The following TRMT11 variants were observed in gnomAD, a reference collection of about 807,000 sequenced individuals.
TRMT11 encodes tRNA methyltransferase 11, also known as tRNA (guanine(10)-N(2))-methyltransferase TRMT11.
Under a neutral mutation model 62.8 loss-of-function variants are expected in TRMT11, and 53 were observed. The observed-to-expected ratio is 0.84, with a 90% CI of 0.68 to 1.06. The LOEUF (loss-of-function observed/expected upper bound fraction) is 1.06. Among genes scored for constraint, TRMT11 ranks in the 50% least tolerant of loss-of-function variants. The probability of loss-of-function intolerance (pLI) is 0.00; values close to 1 mark genes in which losing one functional copy is unlikely to be tolerated. For missense variants in TRMT11, 556 were observed against 553.4 expected, an observed-to-expected ratio of 1.00 and a Z score of -0.05; for synonymous variants, 188 against 190.3, an observed-to-expected ratio of 0.99 and a Z score of 0.10.
intron 21 of TRMT11, among the ~76,000 whole-genome samples, chr6:126,169,846 T>A (rs1778310674): frequency 6.6e-6 from 1 of 152,136 alleles, no homozygotes; most frequent in South Asian, 2.1e-4. Flanking sequence ...ACAGGAAAAA[T>A]AAAAACCATG....
intron 17 of TRMT11, among the ~76,000 whole-genome samples, chr6:126,067,262 A>C (rs1416537077): frequency 6.6e-6 from 1 of 152,194 alleles, no homozygotes; most frequent in Non-Finnish European, 1.5e-5. Flanking sequence ...TTGCTCAATA[A>C]ATTGTCACAA....
chr6:126,219,704 G>A, the TRMT11 span, among the ~76,000 whole-genome samples: 1 of 152,144 alleles, frequency 6.6e-6, no homozygotes, highest in Non-Finnish European at 1.5e-5. Flanking sequence ...ACTAACAACT[G>A]CCTCTCTCAC....
At chr6:126,229,292 G>C in the TRMT11 span, among the ~76,000 whole-genome samples, 8 of 152,156 alleles carry the variant, frequency 5.3e-5, no homozygotes, top group Non-Finnish European at 1.2e-4. Flanking sequence ...GTAACAAAAT[G>C]CTAGATGCCA....
intron 21 of TRMT11, among the ~76,000 whole-genome samples, chr6:126,127,695 C>CT (rs972321440): frequency 2.1e-5 from 3 of 146,326 alleles, no homozygotes; most frequent in Non-Finnish European, 4.5e-5. Flanking sequence ...TGATGTTCCC[C>CT]TTCCTGTGTC....
rs1562334731 is a variant in TRMT11, at chr6:126,151,829, T to TC, written c.*1824-22995dup. Among the ~76,000 whole-genome samples the TC allele has an allele frequency of 5.7e-4, 79 of 138,754 alleles. 2 individuals carry two copies. Among genetic ancestry groups the TC allele is most frequent in the African/African-American group, 1.8e-3 (62 of 35,422 alleles). 91.0% of individuals were successfully genotyped at this position (138,754 alleles called of 152,430 possible). ...TCTTTTCTTTCTTTCTTTCTTTCTT[T>TC]CTTTCTTTCTTTCTTTCTTTCTTTC... On this transcript the variant is annotated intron_variant and NMD_transcript_variant, in intron 21 of 22. Coordinates refer to the TRMT11 transcript ENST00000648977.
intron 7 of TRMT11, among the ~76,000 whole-genome samples, chr6:126,002,437 C>T (rs1792663413): frequency 6.6e-6 from 1 of 152,032 alleles, no homozygotes; most frequent in South Asian, 2.1e-4. Context: ...TTCCTCATTC[C>T]TATATCTGAA....
chr6:126,225,267 CA>C, the TRMT11 span, among the ~76,000 whole-genome samples: 2 of 152,120 alleles, frequency 1.3e-5, no homozygotes, highest in East Asian at 1.9e-4. Context: ...CTCAAATGAC[CA>C]GGGGGTTTAT....
intron 21 of TRMT11, among the ~76,000 whole-genome samples, chr6:126,159,109 A>T (rs567658075): frequency 6.6e-6 from 1 of 152,186 alleles, no homozygotes; most frequent in East Asian, 1.9e-4. Context: ...CTCTTGGGAC[A>T]CCTGTAATAC....
At chr6:126,060,750 C>G (rs1776512846) in intron 17 of TRMT11, among the ~76,000 whole-genome samples, 1 of 152,202 alleles carries the variant, frequency 6.6e-6, no homozygotes, top group African/African-American at 2.4e-5. Context: ...ATCCCCCAAC[C>G]CTGATGACAG....
chr6:126,212,006 A>G, the TRMT11 span, among the ~76,000 whole-genome samples: 3 of 152,208 alleles, frequency 2.0e-5, no homozygotes, highest in Non-Finnish European at 4.4e-5. Context: ...TCTAACAAAT[A>G]AGTGATAGCA....
intron 21 of TRMT11, among the ~76,000 whole-genome samples, chr6:126,124,860 A>C (rs918163261): frequency 3.9e-5 from 6 of 152,106 alleles, no homozygotes; most frequent in African/African-American, 1.2e-4. Context: ...ATTGTTTGCT[A>C]TAAAGCATTA....
chr6:126,099,972 A>T (rs1777380871), intron 17 of TRMT11, among the ~76,000 whole-genome samples: 1 of 152,066 alleles, frequency 6.6e-6, no homozygotes, highest in Non-Finnish European at 1.5e-5. Context: ...GCTGAGCATG[A>T]GCCTGGCAGG....
chr6:126,149,725 T>C (rs1778015724), intron 21 of TRMT11, among the ~76,000 whole-genome samples: 1 of 128,860 alleles, frequency 7.8e-6, no homozygotes, highest in Admixed American at 7.2e-5. Context: ...AGGGTATTGA[T>C]TGCCTAACTG....
At chr6:126,140,632 T>A (rs1777906838) in intron 21 of TRMT11, among the ~76,000 whole-genome samples, 1 of 152,124 alleles carries the variant, frequency 6.6e-6, no homozygotes, top group Non-Finnish European at 1.5e-5. Context: ...AGTGTTCATA[T>A]AGGTATGCTA....
downstream of TRMT11, among the ~76,000 whole-genome samples, chr6:126,206,798 T>G (rs1021094792): frequency 2.0e-5 from 3 of 152,232 alleles, no homozygotes; most frequent in African/African-American, 7.2e-5. Context: ...TAAGGGAAAT[T>G]CACCTTAATT....
chr6:126,256,928 C>T, the TRMT11 span, among the ~76,000 whole-genome samples: 22 of 152,190 alleles, frequency 1.4e-4, no homozygotes, highest in East Asian at 3.7e-3. Context: ...CTCTGTCACC[C>T]AGGCTGGAGT....
intron 17 of TRMT11, among the ~76,000 whole-genome samples, chr6:126,097,730 G>A (rs2128174770): frequency 1.3e-5 from 2 of 151,768 alleles, no homozygotes; most frequent in African/African-American, 4.8e-5. Context: ...TAAAGATTTA[G>A]TTGGCTAATG....
chr6:126,247,856 G>C, the TRMT11 span, among the ~76,000 whole-genome samples: 3 of 151,794 alleles, frequency 2.0e-5, no homozygotes, highest in Non-Finnish European at 4.4e-5. Flanking sequence ...AATAATGAAA[G>C]AAAATTTATT....
At chr6:126,134,941 A>G (rs991016791) in intron 21 of TRMT11, among the ~76,000 whole-genome samples, 1 of 151,812 alleles carries the variant, frequency 6.6e-6, no homozygotes, top group South Asian at 2.1e-4. Flanking sequence ...AATTTCGAGA[A>G]TCAAATAAAG....
Sources: allele counts gnomAD v4.1 joint callset (sites outside exome capture counted in the v4.1 genomes callset), GRCh38; gene constraint gnomAD v4.1.1; transcripts MANE v1.5; gene names NCBI Gene and HGNC (gene_info 2026-07-23, HGNC 2026-07-21).